C10orf67: variants seen among roughly 807,000 people sequenced by gnomAD.
The protein encoded by C10orf67 is chromosome 10 open reading frame 67.
Under a neutral mutation model 35.6 loss-of-function variants are expected in C10orf67, and 60 were observed. That is an observed-to-expected ratio of 1.68 (90% CI 1.37 to 2.09). The LOEUF is 2.09. C10orf67 is among the 30% of genes most tolerant of loss of function. The pLI is 0.00. For synonymous variants in C10orf67, 167 were observed against 115.8 expected, an observed-to-expected ratio of 1.44 and a Z score of -2.84; for missense variants, 474 against 330.2, an observed-to-expected ratio of 1.44 and a Z score of -3.38.
chr10:23,279,643 G>A (rs1285663750), intron 8 of C10orf67, among the ~76,000 whole-genome samples: 1 of 152,160 alleles, frequency 6.6e-6, no homozygotes, highest in Admixed American at 6.5e-5. Context: ...GTGTTTTTCT[G>A]ATGAGGACCC....
intron 12 of C10orf67, among the ~76,000 whole-genome samples, chr10:23,243,626 G>A (rs1408822357): frequency 1.3e-5 from 2 of 151,758 alleles, no homozygotes; most frequent in African/African-American, 4.8e-5. Flanking sequence ...GGCGGAGGTT[G>A]CGGTGAGCTG....
At chr10:23,204,437 A>G (rs1841104532) in intron 15 of C10orf67, among the ~76,000 whole-genome samples, 182 bp from the exon 16 acceptor site, 1 of 152,192 alleles carries the variant, frequency 6.6e-6, no homozygotes, top group African/African-American at 2.4e-5. Flanking sequence ...TAGGGCAGGC[A>G]GGCAGATTAT....
intron 10 of C10orf67, among the ~76,000 whole-genome samples, chr10:23,253,564 G>A (rs1332467207): frequency 1.3e-5 from 2 of 152,024 alleles, no homozygotes; most frequent in Admixed American, 6.6e-5. Context: ...AGAAAATTAG[G>A]AAAACAAATC....
At chr10:23,297,277 A>G (rs1588665189) in intron 5 of C10orf67, among the ~76,000 whole-genome samples, 1 of 101,528 alleles carries the variant, frequency 9.8e-6, no homozygotes, top group Admixed American at 9.7e-5. Flanking sequence ...CTTTCTGATG[A>G]CCCCACCAGT....
intron 5 of C10orf67, among the ~76,000 whole-genome samples, chr10:23,292,016 A>C (rs1012925366): frequency 8.5e-5 from 13 of 152,156 alleles, no homozygotes; most frequent in African/African-American, 3.1e-4. Context: ...GATAACTTAC[A>C]ACAAAAGACT....
chr10:23,239,638 C>T, intron 13 of C10orf67, 91 bp downstream of exon 13: 1 of 562,464 alleles, frequency 1.8e-6, no homozygotes, highest in South Asian at 2.6e-5. Flanking sequence ...CCTGTAATGA[C>T]AGGGGCTTGA....
intron 12 of C10orf67, among the ~76,000 whole-genome samples, chr10:23,240,122 T>TCAA (rs1422229000): frequency 6.6e-6 from 1 of 151,794 alleles, no homozygotes; most frequent in Admixed American, 6.6e-5. Context: ...GTCTGGGAGG[T>TCAA]CAAGGCTGCA....
intron 1 of C10orf67, among the ~76,000 whole-genome samples, chr10:23,335,772 T>C (rs558394211): frequency 6.6e-5 from 10 of 152,260 alleles, no homozygotes; most frequent in Admixed American, 6.5e-4. Context: ...TATTCTGAGG[T>C]AGTGGTGAGC....
At chr10:23,211,756 G>T (rs975428550) in intron 15 of C10orf67, among the ~76,000 whole-genome samples, 4 of 152,146 alleles carry the variant, frequency 2.6e-5, no homozygotes, top group African/African-American at 9.7e-5. Context: ...AACATGAAGA[G>T]AACTGATTTG....
At chr10:23,263,897 A>G (rs1022196405) in intron 10 of C10orf67, among the ~76,000 whole-genome samples, 2 of 152,232 alleles carry the variant, frequency 1.3e-5, no homozygotes, top group Admixed American at 1.3e-4. Flanking sequence ...TAGAAATCAG[A>G]CAGCTAATGT....
At chr10:23,325,334 T>C (rs1301563308) in intron 2 of C10orf67, among the ~76,000 whole-genome samples, 1 of 151,646 alleles carries the variant, frequency 6.6e-6, no homozygotes, top group East Asian at 1.9e-4. Flanking sequence ...GGAGACTCTG[T>C]CTCATAAACA....
chr10:23,225,414 C>T (rs1290432710), intron 13 of C10orf67, among the ~76,000 whole-genome samples: 1 of 152,200 alleles, frequency 6.6e-6, no homozygotes, highest in Non-Finnish European at 1.5e-5. Context: ...ACTGCAAAAA[C>T]ATGCCAAATT....
At chr10:23,256,777 A>T (rs1053524369) in intron 10 of C10orf67, among the ~76,000 whole-genome samples, 1 of 151,798 alleles carries the variant, frequency 6.6e-6, no homozygotes, top group Non-Finnish European at 1.5e-5. Flanking sequence ...TGCAGACTTG[A>T]GGAGGGGATC....
At chr10:23,220,151 G>A (rs1841539763) in intron 15 of C10orf67, among the ~76,000 whole-genome samples, 5 of 151,934 alleles carry the variant, frequency 3.3e-5, no homozygotes. Flanking sequence ...CAGCCTGGAT[G>A]ACAGACAAAT....
intron 8 of C10orf67, among the ~76,000 whole-genome samples, chr10:23,270,528 T>G (rs975415858): frequency 1.3e-5 from 2 of 152,246 alleles, no homozygotes; most frequent in Admixed American, 1.3e-4. Flanking sequence ...GTGGCAGATC[T>G]GTCTGTACCT....
Position 23,215,297 on chromosome 10 carries a change from C to CT in C10orf67, c.1570+8300dup, listed in dbSNP as rs1054869688. ...TTTCACACCATCAAAGAAGAGATAT[C>CT]TTTTTTTTTTTTTTGAGACAGAGCC... On this transcript the variant is annotated intron_variant, in intron 15 of 15. Transcript: ENST00000636213. 6.9e-3 allele frequency among the ~76,000 whole-genome samples: 994 copies of CT among 143,628 alleles called. 10 individuals are homozygous for CT. The highest frequency in any genetic ancestry group is 0.019 in the African/African-American group (746 of 39,514). The allele number at this position is 143,628 out of a possible 152,430, so 94.2% of individuals were successfully genotyped here.
chr10:23,292,278 T>A (rs975553140), intron 5 of C10orf67, among the ~76,000 whole-genome samples: 8 of 144,962 alleles, frequency 5.5e-5, no homozygotes, highest in East Asian at 2.3e-4. Flanking sequence ...AAAAAAAAAA[T>A]TAAGCTCTAA....
chr10:23,267,375 G>A (rs925272866), intron 8 of C10orf67, 121 bp from the exon 9 acceptor site: 21 of 538,976 alleles, frequency 3.9e-5, no homozygotes, highest in African/African-American at 3.4e-4. Flanking sequence ...CTCCCAAAAC[G>A]ATTATGGGAT....
At chr10:23,211,304 T>A (rs1344120018) in intron 15 of C10orf67, among the ~76,000 whole-genome samples, 2 of 152,244 alleles carry the variant, frequency 1.3e-5, no homozygotes, top group African/African-American at 4.8e-5. Flanking sequence ...GTCTCTGTCT[T>A]CACAGGACGT....
Sources: allele counts gnomAD v4.1 joint callset (sites outside exome capture counted in the v4.1 genomes callset), GRCh38; gene constraint gnomAD v4.1.1; transcripts MANE v1.5; gene names NCBI Gene and HGNC (gene_info 2026-07-23, HGNC 2026-07-21).